The following NELL2 variants were observed in gnomAD, a reference collection of about 807,000 sequenced individuals.
NELL2 encodes protein kinase C-binding protein NELL2.
NELL2 carries 41 observed loss-of-function variants against 109.6 expected under a neutral mutation model. That is an observed-to-expected ratio of 0.37 (90% CI 0.29 to 0.49). The LOEUF (loss-of-function observed/expected upper bound fraction) is 0.49, where lower values mean the gene tolerates loss of function less well. Ranked by LOEUF, NELL2 falls within the 20% of genes least tolerant of loss-of-function variation. The probability of loss-of-function intolerance (pLI) is 0.98; values close to 1 mark genes in which losing one functional copy is unlikely to be tolerated. For missense variants in NELL2, 900 were observed against 1,008.3 expected, an observed-to-expected ratio of 0.89 and a Z score of 1.45; for synonymous variants, 355 against 344.7, an observed-to-expected ratio of 1.03 and a Z score of -0.33.
chr12:44,511,931 T>A (rs1941017402), intron 19 of NELL2, among the ~76,000 whole-genome samples: 1 of 152,082 alleles, frequency 6.6e-6, no homozygotes, highest in African/African-American at 2.4e-5. Flanking sequence ...GGCAAATATT[T>A]TATGAGTGAG....
chr12:44,622,737 G>A (rs912341179), intron 13 of NELL2, among the ~76,000 whole-genome samples: 2 of 151,992 alleles, frequency 1.3e-5, no homozygotes, highest in African/African-American at 2.4e-5. Flanking sequence ...TGATTCCTCC[G>A]ATTTTAAAGT....
At chr12:44,812,958 C>T (rs1461407855) in intron 3 of NELL2, among the ~76,000 whole-genome samples, 1 of 152,140 alleles carries the variant, frequency 6.6e-6, no homozygotes, top group South Asian at 2.1e-4. Context: ...CCTTTAAGAA[C>T]TTATCTCTAA....
At chr12:44,647,679 A>G (rs1037246889) in intron 13 of NELL2, among the ~76,000 whole-genome samples, 1 of 152,216 alleles carries the variant, frequency 6.6e-6, no homozygotes, top group African/African-American at 2.4e-5. Context: ...AGACACAAAG[A>G]AACTTATACA....
chr12:44,859,427 G>C (rs1257723386), intron 2 of NELL2, among the ~76,000 whole-genome samples: 2 of 152,218 alleles, frequency 1.3e-5, no homozygotes, highest in African/African-American at 2.4e-5. Context: ...TGGAATCCCA[G>C]CTACTCAGAA....
intron 11 of NELL2, among the ~76,000 whole-genome samples, chr12:44,707,484 G>A (rs1004730357): frequency 8.5e-5 from 13 of 152,104 alleles, no homozygotes; most frequent in African/African-American, 2.7e-4. Flanking sequence ...TACACCTGAA[G>A]CCAATTTATC....
intron 15 of NELL2, among the ~76,000 whole-genome samples, chr12:44,533,844 T>C (rs949328126): frequency 6.6e-6 from 1 of 151,638 alleles, no homozygotes; most frequent in African/African-American, 2.4e-5. Flanking sequence ...GCTGAACCAT[T>C]GTAGCTGCCA....
Position 44,517,983 on chromosome 12 carries a change from T to A in NELL2, c.2400+2022A>T, listed in dbSNP as rs533419617. On this transcript the variant is annotated intron_variant, in intron 19 of 19. Transcript: ENST00000429094. Reference sequence around the variant, plus strand: ...GAAGCTTGTTTTGCATAAACTTTATTTTCAAAATAACACAAAATAAATGTA... The same window carrying A: ...GAAGCTTGTTTTGCATAAACTTTATATTCAAAATAACACAAAATAAATGTA... Among the ~76,000 whole-genome samples, 53 of 152,268 alleles carry A rather than the reference T, an allele frequency of 3.5e-4. 2 individuals carry two copies. The South Asian group carries it at 0.011, about 30-fold the overall frequency.
In NELL2 at chr12:44,609,056, A is replaced by G. The variant is rs151322492; in HGVS notation, c.1567+1792T>C. On this transcript the variant is annotated intron_variant, in intron 14 of 19. Transcript: ENST00000429094. ...TTTGGGGCCATTAACAGTAAAATAA[A>G]AATTACTTGTTTTTGTTTTACCCAT... is the stretch of plus-strand genomic sequence containing the variant. Among the ~76,000 whole-genome samples the G allele has an allele frequency of 2.7e-3, 410 of 152,046 alleles. 1 individual carries two copies. Among genetic ancestry groups the G allele is most frequent in the Non-Finnish European group, 2.9e-3 (194 of 67,960 alleles).
At chr12:44,779,306 A>G (rs1286938482) in intron 5 of NELL2, among the ~76,000 whole-genome samples, 1 of 152,214 alleles carries the variant, frequency 6.6e-6, no homozygotes, top group Non-Finnish European at 1.5e-5. Context: ...ATCCGCTATT[A>G]ACATCTTTGT....
At chr12:44,748,560 T>G (rs539398911) in intron 9 of NELL2, among the ~76,000 whole-genome samples, 1 of 152,306 alleles carries the variant, frequency 6.6e-6, no homozygotes, top group South Asian at 2.1e-4. Context: ...GGCACTATCA[T>G]GATCACTATA....
At position 44,607,233 on chromosome 12, in the gene NELL2, T is replaced by A. The variant is rs756653642; in HGVS notation, c.1599A>T (p.Gly533=). Residue 533 remains glycine, a synonymous_variant, in exon 15 of 20, where the codon GGA becomes GGT. Coordinates refer to ENST00000429094, the MANE Select transcript of NELL2 (RefSeq NM_001145108.2). ...CACACACATTAGCGGCAATACAGGC[T>A]CCTCCATTCCTACAGCCATCTTTGC... ...AFCKDGCRNG[G]ACIAANVCAC... 4 of 1,612,662 alleles carry A rather than the reference T, an allele frequency of 2.5e-6. No individual in the cohort carries two copies. In the South Asian group the frequency reaches 4.4e-5, roughly 18 times the overall value.
chr12:44,644,604 G>GTATATATATATATATATA (rs1555190872), intron 13 of NELL2, among the ~76,000 whole-genome samples: 58 of 81,192 alleles, frequency 7.1e-4, no homozygotes, highest in South Asian at 1.6e-3. Flanking sequence ...ATATATATAT[G>GTATATATATATATATATA]TATGTATATA....
chr12:44,691,951 G>A (rs771349373), intron 12 of NELL2, among the ~76,000 whole-genome samples: 1 of 152,162 alleles, frequency 6.6e-6, no homozygotes, highest in Non-Finnish European at 1.5e-5. Context: ...ACCAGCAAGC[G>A]CTGATGTACA....
intron 16 of NELL2, among the ~76,000 whole-genome samples, chr12:44,529,396 T>A (rs1941944282): frequency 6.6e-6 from 1 of 152,124 alleles, no homozygotes; most frequent in Admixed American, 6.5e-5. Flanking sequence ...TCGTATTAAG[T>A]CTGAGTTGTC....
At chr12:44,762,934 A>G (rs1250719475) in intron 9 of NELL2, among the ~76,000 whole-genome samples, 1 of 152,202 alleles carries the variant, frequency 6.6e-6, no homozygotes, top group African/African-American at 2.4e-5. Flanking sequence ...CTTAATTTCT[A>G]TATGCCTAGA....
At chr12:44,889,003 T>C (rs1706322061) in intron 1 of NELL2, among the ~76,000 whole-genome samples, 1 of 151,974 alleles carries the variant, frequency 6.6e-6, no homozygotes, top group Non-Finnish European at 1.5e-5. Flanking sequence ...GTTATCAGAG[T>C]TGCATAATAA....
chr12:44,687,378 C>T (rs773051558), intron 12 of NELL2, among the ~76,000 whole-genome samples: 11 of 152,208 alleles, frequency 7.2e-5, no homozygotes, highest in South Asian at 2.1e-4. Context: ...GTGTCCCTCA[C>T]GCTGGGAGCT....
At chr12:44,807,537 G>A (rs1478688480) in intron 3 of NELL2, among the ~76,000 whole-genome samples, 1 of 151,758 alleles carries the variant, frequency 6.6e-6, no homozygotes, top group Non-Finnish European at 1.5e-5. Context: ...TTTAAAAAAT[G>A]GCAAAAGGGA....
intron 1 of NELL2, among the ~76,000 whole-genome samples, chr12:44,902,730 G>C (rs1256643480): frequency 6.6e-6 from 1 of 152,046 alleles, no homozygotes; most frequent in Admixed American, 6.6e-5. Flanking sequence ...ACAGAACAGA[G>C]GCCTTAGAAA....
Sources: allele counts gnomAD v4.1 joint callset (sites outside exome capture counted in the v4.1 genomes callset), GRCh38; gene constraint gnomAD v4.1.1; transcripts MANE v1.5; gene names NCBI Gene and HGNC (gene_info 2026-07-23, HGNC 2026-07-21).